DNASE1L3: variants seen among roughly 807,000 people sequenced by gnomAD.
DNASE1L3 encodes deoxyribonuclease 1L3.
DNASE1L3 carries 27 observed loss-of-function variants against 30.9 expected under a neutral mutation model. The ratio of observed to expected loss-of-function variants is 0.87; its 90% CI spans 0.64 to 1.20. The LOEUF is 1.20. Among genes scored for constraint, DNASE1L3 ranks in the 50% most tolerant of loss-of-function variants. The pLI is 0.00. For missense variants in DNASE1L3, 364 were observed against 378.2 expected (o/e 0.96, Z 0.31); for synonymous variants, 135 against 138.0 (o/e 0.98, Z 0.15).
chr3:58,203,593 T>A (rs1341805426), intron 4 of DNASE1L3, among the ~76,000 whole-genome samples: 1 of 151,720 alleles, frequency 6.6e-6, no homozygotes, highest in Non-Finnish European at 1.5e-5. Flanking sequence ...AGCTCAGGGG[T>A]TCAAGAACAG....
At chr3:58,205,608 C>T in intron 2 of DNASE1L3, 48 bp from the exon 3 acceptor site, 1 of 1,486,858 alleles carries the variant, frequency 6.7e-7, no homozygotes, top group South Asian at 1.1e-5. Context: ...AAACATTCCC[C>T]TACTGTACAT....
Position 58,200,127 on chromosome 3 carries a change from T to C in DNASE1L3, c.546+870A>G, listed in dbSNP as rs548767158. Among the ~76,000 whole-genome samples, 1 of 152,292 alleles carries C rather than the reference T, an allele frequency of 6.6e-6. No individual in the cohort carries two copies. Among genetic ancestry groups the C allele is most frequent in the African/African-American group, 2.4e-5 (1 of 41,566 alleles). ...ACTGAGCCTATAGGGATGGCAAATATGTGCCCCCTTCTGTGAAAACAGCAC... is the reference window on the plus strand; with the variant it reads ...ACTGAGCCTATAGGGATGGCAAATACGTGCCCCCTTCTGTGAAAACAGCAC... On this transcript the variant is annotated intron_variant, in intron 5 of 7. Coordinates refer to ENST00000394549, the MANE Select transcript of DNASE1L3 (RefSeq NM_004944.4). This position sits in a 1 kb window ranked among gnomAD's most constrained non-coding sequence, Gnocchi z 4.2.
At chr3:58,198,046 A>AGGAC (rs2097398477) in intron 5 of DNASE1L3, 68 bp from the exon 6 acceptor site, 2 of 1,518,144 alleles carry the variant, frequency 1.3e-6, no homozygotes, top group East Asian at 4.5e-5. Context: ...ACTGGACTCT[A>AGGAC]GCAAAGACTC....
At position 58,197,171 on chromosome 3, in the gene DNASE1L3, C is replaced by A. The variant is rs2097397943; in HGVS notation, c.704+650G>T. 6.6e-6 allele frequency among the ~76,000 whole-genome samples: 1 copy of A among 152,148 alleles called. No homozygotes were observed. The highest frequency in any genetic ancestry group is 2.4e-5 in the African/African-American group (1 of 41,412). On this transcript the variant is annotated intron_variant, in intron 6 of 7. Coordinates refer to ENST00000394549, the MANE Select transcript of DNASE1L3 (RefSeq NM_004944.4). This position sits in a 1 kb window ranked among gnomAD's most constrained non-coding sequence, Gnocchi z 5.3. ...ACATGTTATTTCATTTACTCCACAT[C>A]GGATCTTCATGAGTGAGGCACTAGG...
In DNASE1L3 at chr3:58,197,859, G is replaced by T; in HGVS notation, c.666C>A (p.Asp222Glu). Residue 222 changes from aspartate to glutamate, a missense_variant, in exon 6 of 8, where the codon GAC becomes GAA. Transcript: ENST00000394549. The surrounding 1 kb of genome is among the most constrained non-coding windows in gnomAD (Gnocchi z 5.3). ...RFVWLIGDQE[D>E]TTVKKSTNCA... ...AGTTGGTGCTCTTCTTCACCGTGGT[G>T]TCCTCTTGGTCCCCGATCAGCCAAA... 6.2e-7 allele frequency: 1 copy of T among 1,614,178 alleles called. No homozygotes were observed. The highest frequency in any genetic ancestry group is 1.3e-5 in the African/African-American group (1 of 75,054).
chr3:58,194,314 CTTTT>C lies in DNASE1L3; in HGVS notation c.705-879_705-876del, dbSNP rs11358965. Among the ~76,000 whole-genome samples the C allele has an allele frequency of 5.6e-5, 5 of 89,058 alleles. No individual in the cohort carries two copies. The South Asian group carries it at 1.7e-3, about 31-fold the overall frequency. The allele number at this position is 89,058 out of a possible 152,430, so 58.4% of individuals were successfully genotyped here. ...TTGCTAACATCACCAGCACAACTAA[CTTTT>C]TTTTTTTTTTTTTTTTTTTTGAGAC... On this transcript the variant is annotated intron_variant, in intron 6 of 7. Coordinates refer to ENST00000394549, the MANE Select transcript of DNASE1L3 (RefSeq NM_004944.4).
intron 1 of DNASE1L3, among the ~76,000 whole-genome samples, chr3:58,210,146 GA>G (rs1575501273): frequency 6.6e-6 from 1 of 150,530 alleles, no homozygotes; most frequent in East Asian, 1.9e-4. Flanking sequence ...AAAAAGTAAG[GA>G]AGGGAAAGGA....
At chr3:58,199,045 T>C (rs1270005107) in intron 5 of DNASE1L3, among the ~76,000 whole-genome samples, 2 of 152,218 alleles carry the variant, frequency 1.3e-5, no homozygotes, top group African/African-American at 4.8e-5. Flanking sequence ...GTTTGTGCTA[T>C]TGTTTGGTGG....
intron 3 of DNASE1L3, 84 bp from the exon 4 acceptor site, chr3:58,204,965 G>A (rs891123398): frequency 1.5e-6 from 2 of 1,310,896 alleles, no homozygotes; most frequent in African/African-American, 2.9e-5. Flanking sequence ...GGTTCCCATG[G>A]CTTTCTCAGA....
At chr3:58,207,997 C>T in intron 2 of DNASE1L3, 1 of 467,250 alleles carries the variant, frequency 2.1e-6, no homozygotes, top group Non-Finnish European at 3.8e-6. Context: ...TTTCTGTGTC[C>T]AGACCCCTCA....
chr3:58,205,168 G>T (rs1182305888), intron 3 of DNASE1L3, among the ~76,000 whole-genome samples: 2 of 152,218 alleles, frequency 1.3e-5, no homozygotes, highest in African/African-American at 4.8e-5. Flanking sequence ...CGAAGTTCAG[G>T]AATCAGCTGT....
rs766863196 is a variant in DNASE1L3 at position 58,201,073 on chromosome 3, G to A, written c.470C>T (p.Thr157Ile). ...GATCTCCTTAACGGATGTCTCTGGG[G>A]TGGTGTGCAGGGGGATAATCACGAA... ...KDFVIIPLHT[T>I]PETSVKEIDE... is the part of the protein sequence containing the mutation. The change falls in exon 5 of 8, where the codon ACC becomes ATC. Residue 157 changes from threonine to isoleucine, a missense_variant. Physicochemically the swap from Thr to Ile is moderately conservative, Grantham distance 89 (BLOSUM62 -1). Coordinates refer to ENST00000394549, the MANE Select transcript of DNASE1L3 (RefSeq NM_004944.4). 18 of 1,612,718 alleles carry A rather than the reference G, an allele frequency of 1.1e-5. No individual in the cohort carries two copies. The highest frequency in any genetic ancestry group is 1.7e-4 in the Middle Eastern group (1 of 6,058).
rs372462841 is a variant in DNASE1L3, at chr3:58,210,948, A to G, written c.-42T>C. On this transcript the variant is annotated 5_prime_UTR_variant, in exon 1 of 8. Coordinates refer to ENST00000394549, the MANE Select transcript of DNASE1L3 (RefSeq NM_004944.4). ...CTTCAAGACTCTGTGAGAAGACAGC[A>G]GTGCTTGGAGTGCTGGATTCTGGCC... The G allele has an allele frequency of 4.9e-5, 78 of 1,606,562 alleles. 1 individual carries two copies. The highest frequency in any genetic ancestry group is 6.6e-5 in the Non-Finnish European group (78 of 1,176,226).
intron 4 of DNASE1L3, among the ~76,000 whole-genome samples, chr3:58,202,823 A>G (rs949422065): frequency 1.6e-4 from 25 of 151,876 alleles, no homozygotes; most frequent in Non-Finnish European, 2.9e-4. Context: ...ACTGCACTCC[A>G]GCCTGGGCAA....
rs34773952 is a variant in DNASE1L3 at position 58,195,613 on chromosome 3, C to CAAAAAAAAAAAAA, written c.705-2187_705-2175dup. On this transcript the variant is annotated intron_variant, in intron 6 of 7. Transcript: ENST00000394549. ...CGAAACCCCATCTCTACTAAAATTA[C>CAAAAAAAAAAAAA]AAAAAAAAAAAAAAAAAAAAAAAAA... Among the ~76,000 whole-genome samples, 18 of 38,438 alleles carry CAAAAAAAAAAAAA rather than the reference C, an allele frequency of 4.7e-4. 3 individuals carry two copies. The highest frequency in any genetic ancestry group is 6.2e-4 in the Non-Finnish European group (12 of 19,506). 25.2% of individuals were successfully genotyped at this position (38,438 alleles called of 152,430 possible). A position where few individuals can be genotyped will look rare whatever the true frequency, so the allele number is the denominator to read the frequency against.
intron 4 of DNASE1L3, among the ~76,000 whole-genome samples, chr3:58,203,029 A>G (rs548432014): frequency 1.2e-3 from 178 of 152,162 alleles, no homozygotes; most frequent in Non-Finnish European, 2.4e-3. Context: ...CGCGAGCCTC[A>G]GAAGCCGTTC....
At chr3:58,201,212 C>A in intron 4 of DNASE1L3, 103 bp from the exon 5 acceptor site, 1 of 808,706 alleles carries the variant, frequency 1.2e-6, no homozygotes, top group Non-Finnish European at 1.9e-6. Flanking sequence ...GCACAGGCTG[C>A]ATTATCTGGG....
rs774409070 is a variant in DNASE1L3 at position 58,205,457 on chromosome 3, T to C, written c.320+14A>G. 3 of 1,606,424 alleles carry C rather than the reference T, an allele frequency of 1.9e-6. No individual in the cohort carries two copies. Among genetic ancestry groups the C allele is most frequent in the South Asian group, 1.1e-5 (1 of 90,896 alleles). ...ATTGGTGGCCATGTTCCAGGGAGCATAGGTGATACTTACTTGTAGAGAAAG... is the reference window on the plus strand; with the variant it reads ...ATTGGTGGCCATGTTCCAGGGAGCACAGGTGATACTTACTTGTAGAGAAAG... On this transcript the variant is annotated intron_variant, in intron 3 of 7. Transcript: ENST00000394549.
At position 58,197,098 on chromosome 3, in the gene DNASE1L3, GA is replaced by G. The variant is rs2097397907; in HGVS notation, c.704+722del. Among the ~76,000 whole-genome samples the G allele has an allele frequency of 6.6e-6, 1 of 152,236 alleles. No homozygotes were observed. Among genetic ancestry groups the G allele is most frequent in the Non-Finnish European group, 1.5e-5 (1 of 68,050 alleles). On this transcript the variant is annotated intron_variant, in intron 6 of 7. Coordinates refer to ENST00000394549, the MANE Select transcript of DNASE1L3 (RefSeq NM_004944.4). This position sits in a 1 kb window ranked among gnomAD's most constrained non-coding sequence, Gnocchi z 5.3. ...TGTGATGGAACAATGATCAGCCCATGAATGTAATGAGCACTTGCCGTATGCC... is the reference window on the plus strand; with the variant it reads ...TGTGATGGAACAATGATCAGCCCATGATGTAATGAGCACTTGCCGTATGCC...
Sources: allele counts gnomAD v4.1 joint callset (sites outside exome capture counted in the v4.1 genomes callset), GRCh38; gene constraint gnomAD v4.1.1; non-coding constraint Gnocchi (gnomAD v3.1); transcripts MANE v1.5; gene names NCBI Gene and HGNC (gene_info 2026-07-23, HGNC 2026-07-21).